The following CNTNAP5 variants were observed in gnomAD, a reference collection of about 807,000 sequenced individuals.
The protein encoded by CNTNAP5 is contactin-associated protein-like 5.
CNTNAP5 carries 72 observed loss-of-function variants against 150.2 expected under a neutral mutation model. The ratio of observed to expected loss-of-function variants is 0.48; its 90% CI spans 0.40 to 0.58. CNTNAP5 has a LOEUF of 0.58. CNTNAP5 is among the 20% of genes least tolerant of loss of function. The probability of loss-of-function intolerance (pLI) is 0.00; values close to 1 mark genes in which losing one functional copy is unlikely to be tolerated. For synonymous variants in CNTNAP5, 672 were observed against 619.8 expected (o/e 1.08, Z -1.25); for missense variants, 1,636 against 1,626.2 (o/e 1.01, Z -0.10).
At chr2:124,638,311 T>C (rs1229297263) in intron 12 of CNTNAP5, among the ~76,000 whole-genome samples, 1 of 151,902 alleles carries the variant, frequency 6.6e-6, no homozygotes, top group Admixed American at 6.6e-5. Flanking sequence ...TTCTGCAGTA[T>C]GCACACAATC....
At chr2:124,700,922 A>G (rs1281720056) in intron 13 of CNTNAP5, among the ~76,000 whole-genome samples, 5 of 151,894 alleles carry the variant, frequency 3.3e-5, no homozygotes, top group Non-Finnish European at 7.4e-5. Context: ...ATTTGCACCA[A>G]CCTAATAGTA....
intron 10 of CNTNAP5, among the ~76,000 whole-genome samples, chr2:124,556,035 A>T (rs980728914): frequency 6.6e-6 from 1 of 152,206 alleles, no homozygotes; most frequent in Non-Finnish European, 1.5e-5. Flanking sequence ...ACATTGCATA[A>T]CAGTGTCTGG....
At chr2:124,112,703 A>G (rs1016328665) in intron 1 of CNTNAP5, among the ~76,000 whole-genome samples, 1 of 152,004 alleles carries the variant, frequency 6.6e-6, no homozygotes, top group African/African-American at 2.4e-5. Flanking sequence ...AGTCCCCATT[A>G]TCACCTCCCT....
At chr2:124,786,008 G>A (rs968085789) in intron 17 of CNTNAP5, among the ~76,000 whole-genome samples, 2 of 152,122 alleles carry the variant, frequency 1.3e-5, no homozygotes, top group Admixed American at 1.3e-4. Flanking sequence ...GGCCAAGGCA[G>A]GAGGATTGCT....
At chr2:124,258,503 T>G (rs909610698) in intron 3 of CNTNAP5, among the ~76,000 whole-genome samples, 1 of 152,156 alleles carries the variant, frequency 6.6e-6, no homozygotes, top group African/African-American at 2.4e-5. Context: ...CCCCAATGGG[T>G]GTCTCAGACA....
At chr2:124,688,807 G>A (rs557846938) in intron 13 of CNTNAP5, among the ~76,000 whole-genome samples, 2 of 152,148 alleles carry the variant, frequency 1.3e-5, no homozygotes, top group East Asian at 3.9e-4. Flanking sequence ...AATTATTACA[G>A]GGTGAGACTA....
At chr2:124,638,215 TACA>T (rs1678013089) in intron 12 of CNTNAP5, among the ~76,000 whole-genome samples, 3 of 149,876 alleles carry the variant, frequency 2.0e-5, no homozygotes, top group Non-Finnish European at 4.4e-5. Flanking sequence ...ATATATATGA[TACA>T]TATATATGAT....
intron 3 of CNTNAP5, among the ~76,000 whole-genome samples, chr2:124,264,343 C>T (rs1687543394): frequency 6.7e-6 from 1 of 149,728 alleles, no homozygotes; most frequent in African/African-American, 2.5e-5. Flanking sequence ...AATGCAGTAC[C>T]CAAATCTATA....
At chr2:124,225,831 T>C (rs1686444065) in intron 2 of CNTNAP5, among the ~76,000 whole-genome samples, 1 of 152,162 alleles carries the variant, frequency 6.6e-6, no homozygotes, top group Non-Finnish European at 1.5e-5. Flanking sequence ...TTCTCTGAGT[T>C]CAACATTTTT....
intron 1 of CNTNAP5, among the ~76,000 whole-genome samples, chr2:124,185,325 G>A (rs1328111773): frequency 1.3e-5 from 2 of 152,160 alleles, no homozygotes; most frequent in East Asian, 1.9e-4. Context: ...CCACTGGACT[G>A]TAAGCTGCCA....
chr2:124,555,853 T>G (rs1695742753), intron 10 of CNTNAP5, among the ~76,000 whole-genome samples: 1 of 152,222 alleles, frequency 6.6e-6, no homozygotes, highest in Non-Finnish European at 1.5e-5. Context: ...AGAATTGACA[T>G]CTCCTTTCCC....
At chr2:124,516,403 G>A (rs1436965049) in intron 8 of CNTNAP5, among the ~76,000 whole-genome samples, 1 of 152,110 alleles carries the variant, frequency 6.6e-6, no homozygotes, top group Non-Finnish European at 1.5e-5. Flanking sequence ...TGAGTTTTCT[G>A]GGGAAGATAA....
chr2:124,473,273 A>C (rs1408014715), intron 6 of CNTNAP5, among the ~76,000 whole-genome samples: 1 of 95,498 alleles, frequency 1.0e-5, no homozygotes, highest in Non-Finnish European at 2.6e-5. Context: ...AGAAAAATCA[A>C]ATATTTAAAA....
chr2:124,467,712 A>G (rs930436642), intron 6 of CNTNAP5, among the ~76,000 whole-genome samples: 26 of 152,290 alleles, frequency 1.7e-4, no homozygotes, highest in Admixed American at 5.2e-4. Flanking sequence ...CTATAGTTCA[A>G]TAGTCAAATT....
chr2:124,361,233 A>G (rs1239084053), intron 3 of CNTNAP5, among the ~76,000 whole-genome samples: 1 of 143,722 alleles, frequency 7.0e-6, no homozygotes, highest in Non-Finnish European at 1.5e-5. Flanking sequence ...AAAGTTTTCA[A>G]CTTCTTTGCC....
intron 3 of CNTNAP5, among the ~76,000 whole-genome samples, chr2:124,387,587 C>G (rs1453871079): frequency 1.3e-5 from 2 of 151,706 alleles, no homozygotes; most frequent in Middle Eastern, 6.8e-3. Flanking sequence ...GGGAGAATTA[C>G]AAAGAACCTT....
At chr2:124,098,826 G>T (rs747276125) in intron 1 of CNTNAP5, among the ~76,000 whole-genome samples, 1 of 152,088 alleles carries the variant, frequency 6.6e-6, no homozygotes, top group African/African-American at 2.4e-5. Context: ...TCAGAAAGGG[G>T]GATAAAGTGT....
rs565644370 is a variant in CNTNAP5 at position 124,197,197 on chromosome 2, G to A, written c.83-24508G>A. ...CTCAATTTAGGGAAAATAACTGCCA[G>A]TATGTGGGAATCATTCCATGGATCC... On this transcript the variant is annotated intron_variant, in intron 1 of 23. Coordinates refer to ENST00000682447, the MANE Select transcript of CNTNAP5 (RefSeq NM_001367498.1). Among the ~76,000 whole-genome samples the A allele has an allele frequency of 3.9e-5, 6 of 152,250 alleles. No homozygotes were observed. In the South Asian group the frequency reaches 1.2e-3, roughly 32 times the overall value.
chr2:124,126,463 C>A (rs536641664), intron 1 of CNTNAP5, among the ~76,000 whole-genome samples: 85 of 152,138 alleles, frequency 5.6e-4, no homozygotes, highest in African/African-American at 2.0e-3. Flanking sequence ...GAGTCACAGC[C>A]AAATTCTACC....
Sources: allele counts gnomAD v4.1 joint callset (sites outside exome capture counted in the v4.1 genomes callset), GRCh38; gene constraint gnomAD v4.1.1; transcripts MANE v1.5; gene names NCBI Gene and HGNC (gene_info 2026-07-23, HGNC 2026-07-21).